The following ITGA9 variants were observed in gnomAD, a reference collection of about 807,000 sequenced individuals.
ITGA9 encodes integrin subunit alpha 9.
A neutral mutation model predicts 127.8 loss-of-function variants in ITGA9; 56 were observed. That is an observed-to-expected ratio of 0.44 (90% CI 0.35 to 0.55). The LOEUF (loss-of-function observed/expected upper bound fraction) is 0.55. ITGA9 is among the 20% of genes least tolerant of loss of function. The pLI is 0.00. For synonymous variants in ITGA9, 508 were observed against 514.5 expected (o/e 0.99, Z 0.17); for missense variants, 1,196 against 1,347.1 (o/e 0.89, Z 1.76).
At chr3:37,539,478 G>A (rs1051213008) in intron 14 of ITGA9, among the ~76,000 whole-genome samples, 5 of 152,216 alleles carry the variant, frequency 3.3e-5, no homozygotes, top group Non-Finnish European at 7.3e-5. Flanking sequence ...ATTCTTGGGG[G>A]CAGGCCAGTA....
At chr3:37,605,293 G>T (rs575164712) in intron 15 of ITGA9, among the ~76,000 whole-genome samples, 1 of 152,146 alleles carries the variant, frequency 6.6e-6, no homozygotes, top group Non-Finnish European at 1.5e-5. Context: ...TTCCCTGAGG[G>T]GCCTGGTGGG....
intron 1 of ITGA9, among the ~76,000 whole-genome samples, chr3:37,453,387 C>A (rs569867106): frequency 5.9e-5 from 9 of 152,262 alleles, no homozygotes; most frequent in African/African-American, 2.2e-4. Context: ...AAGAAGGGGG[C>A]AGCTCTCCCC....
chr3:37,503,072 C>G (rs950887003), intron 5 of ITGA9, 106 bp from the exon 6 acceptor site: 2 of 1,345,008 alleles, frequency 1.5e-6, no homozygotes, highest in African/African-American at 2.9e-5. Flanking sequence ...AAAAAAAGTT[C>G]TTGGTGTGAG....
rs142874067 is a variant in ITGA9, at chr3:37,605,821, C to T, written c.1690-23366C>T. Among the ~76,000 whole-genome samples the T allele has an allele frequency of 2.6e-5, 4 of 152,172 alleles. No homozygotes were observed. In the East Asian group the frequency reaches 5.8e-4, roughly 22 times the overall value. The stretch of plus-strand genomic sequence containing the variant: ...CCATCAGTGTCTCTCTAAGGGAGGG[C>T]GGCTGGTTAAAAATCACATGGTGTG... On this transcript the variant is annotated intron_variant, in intron 15 of 27. Coordinates refer to ENST00000264741, the MANE Select transcript of ITGA9 (RefSeq NM_002207.3).
chr3:37,778,872 G>GTTTTTTTT (rs10583231), intron 24 of ITGA9, among the ~76,000 whole-genome samples: 3 of 106,256 alleles, frequency 2.8e-5, no homozygotes, highest in South Asian at 3.4e-4. Flanking sequence ...GAAAGGTTGG[G>GTTTTTTTT]TTTTTTTTTT....
In ITGA9 at chr3:37,494,529, C is replaced by T. The variant is rs62001860; in HGVS notation, c.573C>T (p.His191=). The part of the protein sequence containing the change: ...EEYKKKYGEE[H]GSCQAGIAGF... ...ATAAGAAGAAGTACGGAGAGGAACACGGCTCCTGCCAGGCTGGGATAGCGG... is the reference window on the plus strand; with the variant it reads ...ATAAGAAGAAGTACGGAGAGGAACATGGCTCCTGCCAGGCTGGGATAGCGG... The change falls in exon 5 of 28, where the codon CAC becomes CAT. Residue 191 remains histidine, a synonymous_variant. Coordinates refer to ENST00000264741, the MANE Select transcript of ITGA9 (RefSeq NM_002207.3). 1,269 of 1,613,754 alleles carry T rather than the reference C, an allele frequency of 7.9e-4. 8 individuals carry two copies. The African/African-American group carries it at 0.015, about 19-fold the overall frequency.
At chr3:37,481,066 C>G (rs181765856) in intron 3 of ITGA9, among the ~76,000 whole-genome samples, 1 of 152,280 alleles carries the variant, frequency 6.6e-6, no homozygotes, top group East Asian at 1.9e-4. Context: ...CTTTCTTTCT[C>G]TTGAGCCTCT....
chr3:37,525,416 C>T (rs530284132), intron 12 of ITGA9, among the ~76,000 whole-genome samples: 1 of 151,976 alleles, frequency 6.6e-6, no homozygotes, highest in African/African-American at 2.4e-5. Context: ...GAAGAAGGCC[C>T]TGGGGATAAT....
intron 15 of ITGA9, among the ~76,000 whole-genome samples, chr3:37,574,982 T>C (rs1203669405): frequency 6.6e-6 from 1 of 152,196 alleles, no homozygotes; most frequent in African/African-American, 2.4e-5. Flanking sequence ...ACAGAGTATA[T>C]TTCCTTGGAG....
rs116519045 is a variant in ITGA9, at chr3:37,589,668, G to A, written c.1690-39519G>A. Among the ~76,000 whole-genome samples, 803 of 152,266 alleles carry A rather than the reference G, an allele frequency of 5.3e-3. 6 individuals are homozygous for A. The highest frequency in any genetic ancestry group is 8.9e-3 in the Non-Finnish European group (605 of 68,026). On this transcript the variant is annotated intron_variant, in intron 15 of 27. Transcript: ENST00000264741. ...CCATGTGGAGGGATCTGGGAGAAGA[G>A]CATTCCAGGCAGCGGAAACAGCCGG... is the stretch of plus-strand genomic sequence containing the variant.
chr3:37,607,502 G>A (rs967459072), intron 15 of ITGA9, among the ~76,000 whole-genome samples: 2 of 152,172 alleles, frequency 1.3e-5, no homozygotes, highest in African/African-American at 4.8e-5. Context: ...GGAATCCAGT[G>A]TCTGGGCAAG....
Position 37,461,883 on chromosome 3 carries a change from T to C in ITGA9, c.186-9124T>C, listed in dbSNP as rs533434885. Among the ~76,000 whole-genome samples, 6 of 152,320 alleles carry C rather than the reference T, an allele frequency of 3.9e-5. No individual in the cohort carries two copies. The South Asian group carries it at 8.3e-4, about 21-fold the overall frequency. The stretch of plus-strand genomic sequence containing the variant: ...AGCAGATGGGAGGCCACCCTTGTTA[T>C]GGGGAGCTCCAGCTCCCACCCCAGG... On this transcript the variant is annotated intron_variant, in intron 1 of 27. Transcript: ENST00000264741.
At chr3:37,618,129 G>T (rs1700092804) in intron 15 of ITGA9, among the ~76,000 whole-genome samples, 1 of 152,228 alleles carries the variant, frequency 6.6e-6, no homozygotes, top group African/African-American at 2.4e-5. Flanking sequence ...GTGATGTACA[G>T]ATGGGGTTTT....
chr3:37,683,796 AC>A (rs1166477457), intron 17 of ITGA9, 68 bp from the exon 18 acceptor site: 4 of 1,527,318 alleles, frequency 2.6e-6, no homozygotes, highest in Non-Finnish European at 3.6e-6. Context: ...ACCTTCAACT[AC>A]CCCCTGTGCC....
chr3:37,704,111 C>G (rs1440443402), intron 18 of ITGA9, among the ~76,000 whole-genome samples: 1 of 152,146 alleles, frequency 6.6e-6, no homozygotes, highest in African/African-American at 2.4e-5. Context: ...GTAGACATTA[C>G]CCTCTGGAGT....
At chr3:37,809,459 C>G (rs558379292) in intron 27 of ITGA9, among the ~76,000 whole-genome samples, 2 of 152,272 alleles carry the variant, frequency 1.3e-5, no homozygotes, top group African/African-American at 4.8e-5. Flanking sequence ...GATGAAACCT[C>G]ATCTCTCTCC....
At chr3:37,763,832 G>A (rs373610685) in intron 23 of ITGA9, among the ~76,000 whole-genome samples, 2 of 151,774 alleles carry the variant, frequency 1.3e-5, no homozygotes, top group African/African-American at 4.8e-5. Flanking sequence ...TTTTTTCCTC[G>A]CCTTCACCCT....
chr3:37,548,474 T>C (rs886296613), intron 15 of ITGA9, among the ~76,000 whole-genome samples: 4 of 152,234 alleles, frequency 2.6e-5, no homozygotes, highest in African/African-American at 9.6e-5. Context: ...ATCAAACTTA[T>C]TTTGTTAAAA....
intron 16 of ITGA9, among the ~76,000 whole-genome samples, chr3:37,650,748 C>A (rs1302404108): frequency 6.6e-6 from 1 of 152,088 alleles, no homozygotes; most frequent in African/African-American, 2.4e-5. Flanking sequence ...CCACACCCAG[C>A]CCCACCATCC....
Sources: gnomAD v4.1 joint callset for allele counts (sites outside exome capture counted in the v4.1 genomes callset) on GRCh38, gnomAD v4.1.1 for gene constraint, MANE v1.5 for transcripts, NCBI Gene and HGNC (gene_info 2026-07-23, HGNC 2026-07-21) for gene names.